MARCO: variants seen among roughly 807,000 people sequenced by gnomAD.
MARCO encodes macrophage receptor with collagenous structure.
Under a neutral mutation model 70.0 loss-of-function variants are expected in MARCO, and 72 were observed. The ratio of observed to expected loss-of-function variants is 1.03; its 90% confidence interval spans 0.85 to 1.25. The LOEUF (loss-of-function observed/expected upper bound fraction) is 1.25. Among genes scored for constraint, MARCO ranks in the 50% most tolerant of loss-of-function variants. The probability of loss-of-function intolerance (pLI) is 0.00; values close to 1 mark genes in which losing one functional copy is unlikely to be tolerated. For synonymous variants in MARCO, 273 were observed against 243.1 expected, an observed-to-expected ratio of 1.12 and a Z score of -1.14; for missense variants, 696 against 659.3, an observed-to-expected ratio of 1.06 and a Z score of -0.61.
chr2:118,977,821 T>C lies in MARCO; in HGVS notation c.659-7T>C. Reference sequence around the variant, plus strand: ...GGAGCCCATCTCACCAGCCATTCTCTTTGCAGGCACCCCAGGACCCCAAGG... The same window carrying C: ...GGAGCCCATCTCACCAGCCATTCTCCTTGCAGGCACCCCAGGACCCCAAGG... On this transcript the variant is annotated splice_region_variant and splice_polypyrimidine_tract_variant and intron_variant, in intron 7 of 16. Coordinates refer to ENST00000327097, the MANE Select transcript of MARCO (RefSeq NM_006770.4). The C allele has an allele frequency of 1.2e-6, 2 of 1,607,802 alleles. No homozygotes were observed. The highest frequency in any genetic ancestry group is 1.7e-6 in the Non-Finnish European group (2 of 1,176,550).
rs1680654858 is a variant in MARCO at position 118,993,104 on chromosome 2, ATG to A, written c.1253-14_1253-13del. On this transcript the variant is annotated intron_variant, in intron 15 of 16. Coordinates refer to ENST00000327097, the MANE Select transcript of MARCO (RefSeq NM_006770.4). ...CCAAGGGGCCTTCCTTGCCTCTCCCATGTGTGTTTCTTCACCCAGGTGAAAAC... is the reference window on the plus strand; with the variant it reads ...CCAAGGGGCCTTCCTTGCCTCTCCCATGTGTTTCTTCACCCAGGTGAAAAC... The A allele has an allele frequency of 1.2e-5, 19 of 1,613,386 alleles. No homozygotes were observed. In the East Asian group the frequency reaches 2.5e-4, roughly 21 times the overall value.
chr2:118,957,510 A>C (rs1388741157), intron 1 of MARCO, among the ~76,000 whole-genome samples: 3 of 151,982 alleles, frequency 2.0e-5, no homozygotes, highest in South Asian at 2.1e-4. Context: ...ATTACCCCCC[A>C]AAAACAAACA....
intron 1 of MARCO, among the ~76,000 whole-genome samples, chr2:118,950,128 G>A (rs558324920): frequency 3.3e-5 from 5 of 152,130 alleles, no homozygotes; most frequent in East Asian, 1.9e-4. Flanking sequence ...ACAGTGCTTC[G>A]TATATGATTT....
chr2:118,992,446 C>A lies in MARCO; in HGVS notation c.1222C>A (p.Gln408Lys). ...CCTCATGACAGGATCTTCTGGGGAG[C>A]AAGGAGTAAAGGGAGAAAAAGGTGA... ...DQGVKGSSGE[Q>K]GVKGEKGERG... Residue 408 changes from glutamine (Q) to lysine (K), a missense_variant, in exon 15 of 17, where the codon CAA (glutamine) becomes AAA (lysine). Physicochemically the swap from Gln to Lys is moderately conservative, Grantham distance 53 (BLOSUM62 1). Transcript: ENST00000327097. The A allele has an allele frequency of 6.2e-7, 1 of 1,613,644 alleles. No homozygotes were observed. The highest frequency in any genetic ancestry group is 8.5e-7 in the Non-Finnish European group (1 of 1,179,620).
chr2:118,991,735 G>A (rs1386376122), intron 13 of MARCO, 42 bp from the exon 14 acceptor site: 4 of 1,281,068 alleles, frequency 3.1e-6, no homozygotes, highest in South Asian at 1.4e-5. Context: ...TCTTGGGAAG[G>A]CAAAGCAGGG....
intron 1 of MARCO, among the ~76,000 whole-genome samples, chr2:118,963,255 C>T (rs1343502688): frequency 6.6e-6 from 1 of 151,028 alleles, no homozygotes; most frequent in Non-Finnish European, 1.5e-5. Context: ...TTCAGAGCTG[C>T]TTTTTTTTAT....
At position 118,981,664 on chromosome 2, in the gene MARCO, C is replaced by G. The variant is rs1680394994; in HGVS notation, c.901+8C>G. The G allele has an allele frequency of 6.2e-7, 1 of 1,612,856 alleles. No homozygotes were observed. The highest frequency in any genetic ancestry group is 8.5e-7 in the Non-Finnish European group (1 of 1,179,310). On this transcript the variant is annotated splice_region_variant and intron_variant, in intron 10 of 16. Coordinates refer to ENST00000327097, the MANE Select transcript of MARCO (RefSeq NM_006770.4). ...GAGCTAAAGGAGATCAAGGTAAGAACTACAGGAATCTGGGCATCATCCCAG... is the reference window on the plus strand; with the variant it reads ...GAGCTAAAGGAGATCAAGGTAAGAAGTACAGGAATCTGGGCATCATCCCAG...
intron 12 of MARCO, among the ~76,000 whole-genome samples, chr2:118,989,843 T>G (rs1680587934): frequency 6.6e-6 from 1 of 152,204 alleles, no homozygotes. Context: ...CCTATTTCTC[T>G]GAAATAAAAT....
In MARCO at chr2:118,986,592, A is replaced by AGAAAGAAAGAAAGAAG. The variant is rs1558671393; in HGVS notation, c.1064-3982_1064-3981insGGAAAGAAAGAAAGAA. 4.3e-3 allele frequency among the ~76,000 whole-genome samples: 47 copies of AGAAAGAAAGAAAGAAG among 10,948 alleles called. 2 individuals are homozygous for AGAAAGAAAGAAAGAAG. Among genetic ancestry groups the AGAAAGAAAGAAAGAAG allele is most frequent in the Non-Finnish European group, 5.3e-3 (35 of 6,550 alleles). 7.2% of individuals were successfully genotyped at this position (10,948 alleles called of 152,430 possible). ...AGGGAGGGAGGGAAGGAAAGAAGAA[A>AGAAAGAAAGAAAGAAG]GAAAGAAAGAAAGAAAGAAAGAAAG... On this transcript the variant is annotated intron_variant, in intron 12 of 16. Transcript: ENST00000327097.
At chr2:118,981,382 A>C in intron 8 of MARCO, 27 bp from the exon 9 acceptor site, 1 of 1,518,324 alleles carries the variant, frequency 6.6e-7, no homozygotes, top group Non-Finnish European at 9.0e-7. Flanking sequence ...TCCTCCCACA[A>C]CTAACCAAGA....
chr2:118,984,285 T>C (rs1680446057), intron 12 of MARCO, among the ~76,000 whole-genome samples: 1 of 152,338 alleles, frequency 6.6e-6, no homozygotes, highest in South Asian at 2.1e-4. Context: ...GGCCCTATCA[T>C]GGTTCTTAGT....
chr2:118,993,799 G>A (rs1002090338), intron 16 of MARCO, among the ~76,000 whole-genome samples: 1 of 152,216 alleles, frequency 6.6e-6, no homozygotes, highest in Non-Finnish European at 1.5e-5. Context: ...ACTAAAATGT[G>A]TGGAAAATGT....
intron 10 of MARCO, 93 bp downstream of exon 10, chr2:118,981,749 T>TGG: frequency 7.7e-7 from 1 of 1,292,580 alleles, no homozygotes; most frequent in Non-Finnish European, 1.1e-6. Flanking sequence ...TTTGCTTCAT[T>TGG]GTAGTATTCA....
At chr2:118,966,798 C>T (rs1350547535) in intron 1 of MARCO, among the ~76,000 whole-genome samples, 1 of 152,178 alleles carries the variant, frequency 6.6e-6, no homozygotes, top group Non-Finnish European at 1.5e-5. Context: ...AAATTTAGTG[C>T]TGTCCAAAAA....
chr2:118,962,293 A>G (rs1008587180), intron 1 of MARCO, among the ~76,000 whole-genome samples: 8 of 152,124 alleles, frequency 5.3e-5, no homozygotes, highest in Non-Finnish European at 1.0e-4. Context: ...TGTTGAATCT[A>G]TAAATTACTT....
chr2:118,982,326 C>G (rs369366689), intron 11 of MARCO, 22 bp from the exon 12 acceptor site: 3 of 1,613,708 alleles, frequency 1.9e-6, no homozygotes, highest in East Asian at 2.2e-5. Context: ...CCCTTATGCT[C>G]TCTGTGGTGT....
chr2:118,943,624 G>C (rs1679544101), intron 1 of MARCO, among the ~76,000 whole-genome samples: 2 of 152,060 alleles, frequency 1.3e-5, no homozygotes. Flanking sequence ...AGCCCTGGAG[G>C]GCAGAGCTGA....
chr2:118,970,386 G>A (rs748370387), intron 3 of MARCO, 48 bp downstream of exon 3: 1 of 1,401,678 alleles, frequency 7.1e-7, no homozygotes, highest in South Asian at 1.2e-5. Flanking sequence ...AGAGGTCTGG[G>A]AGACAGCGGG....
chr2:118,976,600 AT>A (rs1157729227), intron 6 of MARCO, among the ~76,000 whole-genome samples: 2 of 152,170 alleles, frequency 1.3e-5, no homozygotes, highest in African/African-American at 2.4e-5. Context: ...TACCTGGGCC[AT>A]GTGGGTGGGA....
Sources: gnomAD v4.1 joint callset for allele counts (sites outside exome capture counted in the v4.1 genomes callset) on GRCh38, gnomAD v4.1.1 for gene constraint, MANE v1.5 for transcripts, NCBI Gene and HGNC (gene_info 2026-07-23, HGNC 2026-07-21) for gene names.